Variants in MYO10 observed in about 807,000 individuals in gnomAD.
MYO10 encodes unconventional myosin-X.
Under a neutral mutation model 257.3 loss-of-function variants are expected in MYO10, and 133 were observed. The ratio of observed to expected loss-of-function variants is 0.52; its 90% CI spans 0.45 to 0.60. MYO10 has a LOEUF of 0.60. Ranked by LOEUF, MYO10 falls within the 20% of genes least tolerant of loss-of-function variation. MYO10 has a pLI of 0.00. For synonymous variants in MYO10, 1,104 were observed against 1,028.6 expected, an observed-to-expected ratio of 1.07 and a Z score of -1.40; for missense variants, 2,399 against 2,635.7, an observed-to-expected ratio of 0.91 and a Z score of 1.97.
intron 19 of MYO10, among the ~76,000 whole-genome samples, chr5:16,737,159 T>A (rs1270552965): frequency 6.6e-6 from 1 of 152,176 alleles, no homozygotes; most frequent in Non-Finnish European, 1.5e-5. Context: ...ATCCTAAATG[T>A]GGAGGGTGAG....
rs1370881988 is a variant in MYO10, at chr5:16,710,951, A to G, written c.2126T>C (p.Leu709Pro). 1 of 1,613,834 alleles carries G rather than the reference A, an allele frequency of 6.2e-7. No homozygotes were observed. Among genetic ancestry groups the G allele is most frequent in the South Asian group, 1.1e-5 (1 of 91,032 alleles). The change falls in exon 21 of 41, where the codon CTC (leucine) becomes CCC (proline). Residue 709 changes from leucine (L) to proline (P), a missense_variant. Leu to Pro is a moderately conservative substitution (Grantham distance 98). Transcript: ENST00000513610. ...VRGKCTSLLQ[L>P]YDASNSEWQL... ...CCACTCGCTGTTGGAGGCATCATAG[A>G]GCTGCAGCAGGCTCGTGCACTTCCC...
chr5:16,785,218 G>A (rs1168113795), intron 4 of MYO10, among the ~76,000 whole-genome samples: 1 of 152,250 alleles, frequency 6.6e-6, no homozygotes, highest in East Asian at 1.9e-4. Context: ...CCTTTAGTTG[G>A]GGTTTCCCTT....
At chr5:16,901,517 A>T (rs758374731) in intron 1 of MYO10, among the ~76,000 whole-genome samples, 1 of 152,154 alleles carries the variant, frequency 6.6e-6, no homozygotes, top group African/African-American at 2.4e-5. Context: ...GCCCTGCCCT[A>T]TTAACAATGA....
intron 19 of MYO10, among the ~76,000 whole-genome samples, chr5:16,711,584 C>T (rs1738622121): frequency 6.6e-6 from 1 of 152,064 alleles, no homozygotes; most frequent in African/African-American, 2.4e-5. Context: ...GAGTTTGAGA[C>T]CAGCCTGGCC....
At chr5:16,791,644 C>T (rs200927718) in intron 4 of MYO10, among the ~76,000 whole-genome samples, 2 of 152,034 alleles carry the variant, frequency 1.3e-5, no homozygotes, top group East Asian at 3.9e-4. Context: ...ATTAGTCATG[C>T]TCTCATTTTT....
chr5:16,692,125 A>T (rs1737537710), intron 27 of MYO10, among the ~76,000 whole-genome samples: 1 of 152,230 alleles, frequency 6.6e-6, no homozygotes. Context: ...ACCTCCACTT[A>T]TAAGGAAACT....
intron 19 of MYO10, among the ~76,000 whole-genome samples, chr5:16,720,024 ATATG>A (rs1334156066): frequency 1.5e-5 from 2 of 136,082 alleles, no homozygotes; most frequent in African/African-American, 6.0e-5. Context: ...GTGTGTGTGT[ATATG>A]TATGTATGTA....
At chr5:16,899,842 AC>A (rs1745326350) in intron 1 of MYO10, among the ~76,000 whole-genome samples, 1 of 151,680 alleles carries the variant, frequency 6.6e-6, no homozygotes, top group Admixed American at 6.6e-5. Context: ...TACTAAAAAT[AC>A]AAAAATTAGC....
chr5:16,686,874 T>C lies in MYO10; in HGVS notation c.3897-1043A>G, dbSNP rs543131377. ...ATTCCCAGGATGGGGTTTTCAACCA[T>C]CTAACAGCATTTCTACTCAAGTCAA... On this transcript the variant is annotated intron_variant, in intron 28 of 40. Transcript: ENST00000513610. Among the ~76,000 whole-genome samples, 249 of 152,220 alleles carry C rather than the reference T, an allele frequency of 1.6e-3. 3 individuals are homozygous for C. Among genetic ancestry groups the C allele is most frequent in the African/African-American group, 5.7e-3 (236 of 41,548 alleles).
intron 1 of MYO10, among the ~76,000 whole-genome samples, chr5:16,933,833 G>A (rs1432787774): frequency 6.6e-6 from 1 of 152,138 alleles, no homozygotes; most frequent in Non-Finnish European, 1.5e-5. Context: ...AACTTTCACG[G>A]CTGATTAGAA....
intron 39 of MYO10, 21 bp downstream of exon 39, chr5:16,670,503 AAC>A (rs1471000890): frequency 3.2e-6 from 5 of 1,575,640 alleles, no homozygotes; most frequent in Non-Finnish European, 4.3e-6. Context: ...AGCCCACCCC[AAC>A]ACACGGCAGC....
chr5:16,820,082 C>T (rs1268853770), intron 2 of MYO10, among the ~76,000 whole-genome samples: 1 of 152,240 alleles, frequency 6.6e-6, no homozygotes. Flanking sequence ...AGGCCTGGGG[C>T]CACCTAGGGA....
chr5:16,711,248 A>G lies in MYO10; in HGVS notation c.1930-3T>C. 1 of 1,521,334 alleles carries G rather than the reference A, an allele frequency of 6.6e-7. No homozygotes were observed. The highest frequency in any genetic ancestry group is 8.8e-7 in the Non-Finnish European group (1 of 1,134,476). The allele number at this position is 1,521,334 out of a possible 1,614,324, so 94.2% of individuals were successfully genotyped here. ...GCCTGGTCAAACTGGTCTGGCATCT[A>G]AACCATGCAAAAAAAAAAGATGGGA... On this transcript the variant is annotated splice_region_variant and splice_polypyrimidine_tract_variant and intron_variant, in intron 19 of 40. Transcript: ENST00000513610.
chr5:16,871,825 A>T (rs1283449958), intron 2 of MYO10, among the ~76,000 whole-genome samples: 7 of 152,184 alleles, frequency 4.6e-5, no homozygotes, highest in Admixed American at 3.9e-4. Flanking sequence ...ATCCAATTTT[A>T]AAAATCTTGC....
chr5:16,901,816 G>T (rs974916759), intron 1 of MYO10, among the ~76,000 whole-genome samples: 5 of 152,122 alleles, frequency 3.3e-5, no homozygotes. Flanking sequence ...GAGGGCAATA[G>T]GAATTCCCAT....
chr5:16,886,967 A>T (rs146532489), intron 1 of MYO10, among the ~76,000 whole-genome samples: 7 of 152,112 alleles, frequency 4.6e-5, no homozygotes, highest in African/African-American at 1.7e-4. Flanking sequence ...AAAACAAAAA[A>T]ACACTATTGC....
intron 1 of MYO10, among the ~76,000 whole-genome samples, chr5:16,927,479 C>T (rs939140311): frequency 6.6e-6 from 1 of 152,258 alleles, no homozygotes; most frequent in African/African-American, 2.4e-5. Flanking sequence ...TGCCAGCCAC[C>T]ACGCCCAGCT....
chr5:16,734,542 T>C (rs1226844315), intron 19 of MYO10, among the ~76,000 whole-genome samples: 2 of 152,162 alleles, frequency 1.3e-5, no homozygotes, highest in Non-Finnish European at 2.9e-5. Flanking sequence ...TGGTGGCTCA[T>C]GCCTATAAAT....
At chr5:16,925,506 G>A (rs775432579) in intron 1 of MYO10, among the ~76,000 whole-genome samples, 3 of 152,136 alleles carry the variant, frequency 2.0e-5, no homozygotes, top group Non-Finnish European at 2.9e-5. Context: ...TGCCTCCTGG[G>A]TTCAAGCAAT....
Sources: allele counts gnomAD v4.1 joint callset (sites outside exome capture counted in the v4.1 genomes callset), GRCh38; gene constraint gnomAD v4.1.1; transcripts MANE v1.5; gene names NCBI Gene and HGNC (gene_info 2026-07-23, HGNC 2026-07-21).